Variants in MYRIP observed in about 807,000 individuals in gnomAD.
MYRIP encodes rab effector MyRIP.
Under a neutral mutation model 98.0 loss-of-function variants are expected in MYRIP, and 49 were observed. The observed-to-expected ratio is 0.50, with a 90% CI of 0.40 to 0.63. The LOEUF is 0.63. MYRIP is among the 30% of genes least tolerant of loss of function. MYRIP has a pLI of 0.00. For synonymous variants in MYRIP, 404 were observed against 409.5 expected (o/e 0.99, Z 0.16); for missense variants, 1,004 against 1,058.2 (o/e 0.95, Z 0.71).
chr3:40,086,202 G>A (rs562468566), intron 3 of MYRIP, among the ~76,000 whole-genome samples: 71 of 152,148 alleles, frequency 4.7e-4, no homozygotes, highest in Non-Finnish European at 9.1e-4. Flanking sequence ...ACAAACTTTT[G>A]GAAAGTTCTG....
rs557665177 is a variant in MYRIP at position 40,144,620 on chromosome 3, G to T, written c.333-6428G>T. Among the ~76,000 whole-genome samples, 9 of 152,350 alleles carry T rather than the reference G, an allele frequency of 5.9e-5. No individual in the cohort carries two copies. In the South Asian group the frequency reaches 1.9e-3, roughly 32 times the overall value. ...GCCTGGAGAACATTTCTCTTCTGCAGTTGCATTTCTTTTGTGCTTTTAAAG... is the reference window on the plus strand; with the variant it reads ...GCCTGGAGAACATTTCTCTTCTGCATTTGCATTTCTTTTGTGCTTTTAAAG... On this transcript the variant is annotated intron_variant, in intron 3 of 16. Coordinates refer to ENST00000302541, the MANE Select transcript of MYRIP (RefSeq NM_015460.4).
At chr3:40,034,894 TA>T in intron 2 of MYRIP, among the ~76,000 whole-genome samples, 2 of 151,332 alleles carry the variant, frequency 1.3e-5, no homozygotes, top group South Asian at 4.2e-4. Flanking sequence ...TATGCAGCCA[TA>T]AAAAAGGATG....
chr3:40,228,772 A>G (rs1022042523), intron 11 of MYRIP, among the ~76,000 whole-genome samples: 2 of 152,180 alleles, frequency 1.3e-5, no homozygotes, highest in Non-Finnish European at 2.9e-5. Context: ...TATATCACAC[A>G]CAGGTCAGCT....
At chr3:39,946,331 T>C (rs189105924) in intron 2 of MYRIP, among the ~76,000 whole-genome samples, 4 of 152,302 alleles carry the variant, frequency 2.6e-5, no homozygotes, top group Admixed American at 2.6e-4. Context: ...CCTGAGGTTC[T>C]ACCCTATCCA....
At position 40,198,868 on chromosome 3, in the gene MYRIP, T is replaced by C. The variant is rs577604098; in HGVS notation, c.1665+8405T>C. Among the ~76,000 whole-genome samples the C allele has an allele frequency of 2.6e-5, 4 of 152,176 alleles. No homozygotes were observed. The South Asian group carries it at 8.3e-4, about 31-fold the overall frequency. On this transcript the variant is annotated intron_variant, in intron 10 of 16. Coordinates refer to ENST00000302541, the MANE Select transcript of MYRIP (RefSeq NM_015460.4). ...AATATTCATTTATTTAATAGGTGTA[T>C]GCCTTGCTCCAGAAATAATTTAAAG...
intron 1 of MYRIP, among the ~76,000 whole-genome samples, chr3:39,812,607 G>GA (rs1252320100): frequency 6.6e-6 from 1 of 152,060 alleles, no homozygotes; most frequent in African/African-American, 2.4e-5. Flanking sequence ...TATGAATGAA[G>GA]AAAAAATGAA....
chr3:40,050,238 C>T (rs1458833684), intron 3 of MYRIP, among the ~76,000 whole-genome samples: 1 of 152,156 alleles, frequency 6.6e-6, no homozygotes, highest in African/African-American at 2.4e-5. Flanking sequence ...CAATACCTGG[C>T]TTCAAAGAAC....
At chr3:40,137,723 C>A (rs376589254) in intron 3 of MYRIP, among the ~76,000 whole-genome samples, 4 of 152,202 alleles carry the variant, frequency 2.6e-5, no homozygotes, top group African/African-American at 9.6e-5. Flanking sequence ...CCCATTTTGT[C>A]CACTCCTGTA....
intron 1 of MYRIP, among the ~76,000 whole-genome samples, chr3:39,839,198 C>A (rs541422253): frequency 4.6e-5 from 7 of 150,846 alleles, no homozygotes; most frequent in African/African-American, 1.2e-4. Flanking sequence ...CAGTTCTACT[C>A]TTATTTTAGT....
intron 1 of MYRIP, among the ~76,000 whole-genome samples, chr3:39,871,797 T>C (rs1942796965): frequency 6.6e-6 from 1 of 152,212 alleles, no homozygotes; most frequent in Non-Finnish European, 1.5e-5. Context: ...GTCTGAATTA[T>C]CTAGAATTAT....
At chr3:39,989,566 G>T (rs1196851703) in intron 2 of MYRIP, among the ~76,000 whole-genome samples, 2 of 152,198 alleles carry the variant, frequency 1.3e-5, no homozygotes, top group East Asian at 1.9e-4. Context: ...GTGCTTCACT[G>T]GGGGGAAACC....
chr3:40,028,829 A>G (rs1947193851), intron 2 of MYRIP, among the ~76,000 whole-genome samples: 1 of 152,166 alleles, frequency 6.6e-6, no homozygotes, highest in Admixed American at 6.5e-5. Context: ...ATGAGATACT[A>G]CAGGGCAATA....
intron 4 of MYRIP, among the ~76,000 whole-genome samples, chr3:40,152,076 A>C (rs2125575690): frequency 6.6e-6 from 1 of 152,348 alleles, no homozygotes; most frequent in South Asian, 2.1e-4. Context: ...TGTTGTCATT[A>C]TTAGAATTTC....
intron 1 of MYRIP, among the ~76,000 whole-genome samples, chr3:39,885,420 G>A (rs1943267660): frequency 6.6e-6 from 1 of 152,020 alleles, no homozygotes; most frequent in Admixed American, 6.6e-5. Context: ...CTCTCTGGCT[G>A]CCCTTAACAT....
intron 1 of MYRIP, among the ~76,000 whole-genome samples, chr3:39,863,803 A>T (rs1235094212): frequency 6.6e-6 from 1 of 152,194 alleles, no homozygotes; most frequent in Non-Finnish European, 1.5e-5. Flanking sequence ...CTATAAGGCC[A>T]GTATCATCTT....
rs565594176 is a variant in MYRIP, at chr3:39,862,572, G to A, written c.-30-38215G>A. Among the ~76,000 whole-genome samples the A allele has an allele frequency of 1.4e-4, 22 of 152,246 alleles. 1 individual carries two copies. The highest frequency in any genetic ancestry group is 4.3e-4 in the African/African-American group (18 of 41,534). ...AGAAGGCATTTTGTAATGATAAAGG[G>A]CTCCATTCAACAAGAAGACCTAACT... On this transcript the variant is annotated intron_variant, in intron 1 of 16. Coordinates refer to ENST00000302541, the MANE Select transcript of MYRIP (RefSeq NM_015460.4).
intron 9 of MYRIP, among the ~76,000 whole-genome samples, chr3:40,184,309 A>G (rs941870362): frequency 3.3e-5 from 5 of 152,236 alleles, no homozygotes; most frequent in Non-Finnish European, 7.3e-5. Context: ...TCAATACACA[A>G]TATCTAGCTT....
chr3:39,926,064 T>A (rs1438384615), intron 2 of MYRIP, among the ~76,000 whole-genome samples: 3 of 152,160 alleles, frequency 2.0e-5, no homozygotes, highest in African/African-American at 7.2e-5. Context: ...TGGTTTTGAT[T>A]TGTATTTCTC....
intron 16 of MYRIP, among the ~76,000 whole-genome samples, chr3:40,255,499 C>T (rs1459107145): frequency 6.6e-6 from 1 of 152,004 alleles, no homozygotes; most frequent in Non-Finnish European, 1.5e-5. Flanking sequence ...CTTAAAGTAA[C>T]ACAGAAAGGT....
Sources: gnomAD v4.1 joint callset for allele counts (sites outside exome capture counted in the v4.1 genomes callset) on GRCh38, gnomAD v4.1.1 for gene constraint, MANE v1.5 for transcripts, NCBI Gene and HGNC (gene_info 2026-07-23, HGNC 2026-07-21) for gene names.